Variants in EPHA5 observed in about 807,000 individuals in gnomAD.
The protein encoded by EPHA5 is ephrin type-A receptor 5.
Under a neutral mutation model 105.0 loss-of-function variants are expected in EPHA5, and 60 were observed. The ratio of observed to expected loss-of-function variants is 0.57; its 90% confidence interval spans 0.46 to 0.71. The LOEUF is 0.71. Ranked by LOEUF, EPHA5 falls within the 30% of genes least tolerant of loss-of-function variation. The pLI is 0.00. For missense variants in EPHA5, 1,218 were observed against 1,274.7 expected (o/e 0.96, Z 0.68); for synonymous variants, 513 against 449.1 (o/e 1.14, Z -1.80).
intron 3 of EPHA5, among the ~76,000 whole-genome samples, chr4:65,526,195 T>A (rs1735212409): frequency 6.6e-6 from 1 of 151,900 alleles, no homozygotes; most frequent in Admixed American, 6.6e-5. Flanking sequence ...CTATTGATAC[T>A]ACATGGATAT....
intron 16 of EPHA5, among the ~76,000 whole-genome samples, chr4:65,325,207 A>G (rs754157900): frequency 1.3e-5 from 2 of 151,390 alleles, no homozygotes; most frequent in African/African-American, 2.4e-5. Flanking sequence ...GTGTGTTTTA[A>G]TTCAAGATTT....
intron 5 of EPHA5, among the ~76,000 whole-genome samples, chr4:65,426,215 A>G (rs1724427700): frequency 6.6e-6 from 1 of 152,028 alleles, no homozygotes; most frequent in Non-Finnish European, 1.5e-5. Flanking sequence ...CCTTGATTTT[A>G]TTTTATCTTT....
intron 11 of EPHA5, among the ~76,000 whole-genome samples, chr4:65,357,612 T>C (rs1392396212): frequency 6.6e-6 from 1 of 151,436 alleles, no homozygotes; most frequent in African/African-American, 2.4e-5. Context: ...TAAGAGCTAC[T>C]TAAAGTAGTT....
intron 3 of EPHA5, among the ~76,000 whole-genome samples, chr4:65,543,859 C>T (rs1018786186): frequency 1.3e-5 from 2 of 152,048 alleles, no homozygotes; most frequent in African/African-American, 4.8e-5. Context: ...CAGCATGGTA[C>T]TGGTACCAAA....
intron 2 of EPHA5, among the ~76,000 whole-genome samples, chr4:65,622,451 T>C (rs1745786712): frequency 6.6e-6 from 1 of 152,154 alleles, no homozygotes. Context: ...ATTCAAGCGT[T>C]CTTGCCTTTA....
chr4:65,466,838 A>T (rs1308623679), intron 5 of EPHA5, among the ~76,000 whole-genome samples: 1 of 152,172 alleles, frequency 6.6e-6, no homozygotes, highest in Non-Finnish European at 1.5e-5. Flanking sequence ...TTAAGTTTTT[A>T]TAGGCCGAAA....
intron 3 of EPHA5, among the ~76,000 whole-genome samples, chr4:65,598,299 T>C (rs1471513698): frequency 1.3e-5 from 2 of 152,156 alleles, no homozygotes; most frequent in Non-Finnish European, 2.9e-5. Context: ...AAGAAATGAT[T>C]AAGTTAAAAG....
At position 65,573,836 on chromosome 4, in the gene EPHA5, G is replaced by A. The variant is rs1442502336; in HGVS notation, c.910+27805C>T. On this transcript the variant is annotated intron_variant, in intron 3 of 16. Transcript: ENST00000613740. ...CTGAAGATGTGCCTCGAAAGCTGTT[G>A]AGCCACGGCAAAAAAAAACCCTTCA... is the stretch of plus-strand genomic sequence containing the variant. 6.8e-6 allele frequency: 11 copies of A among 1,613,462 alleles called. No homozygotes were observed. The East Asian group carries it at 2.2e-4, about 33-fold the overall frequency.
rs529226816 is a variant in EPHA5, at chr4:65,449,373, A to G, written c.1403-28808T>C. On this transcript the variant is annotated intron_variant, in intron 5 of 16. Transcript: ENST00000613740. ...CCTTTTGCACTGACTTACATTTTTT[A>G]TAGTACACATTTGTACACTTTGGTG... Among the ~76,000 whole-genome samples the G allele has an allele frequency of 9.8e-5, 15 of 152,308 alleles. No homozygotes were observed. The South Asian group carries it at 1.0e-3, about 11-fold the overall frequency.
At chr4:65,324,249 T>G in intron 16 of EPHA5, 30 bp from the exon 17 acceptor site, 2 of 1,482,118 alleles carry the variant, frequency 1.3e-6, no homozygotes, top group Non-Finnish European at 1.9e-6. Flanking sequence ...ATTGGATGTA[T>G]TGATTCAATT....
At chr4:65,502,514 C>T (rs770553344) in intron 3 of EPHA5, among the ~76,000 whole-genome samples, 1 of 151,540 alleles carries the variant, frequency 6.6e-6, no homozygotes, top group Non-Finnish European at 1.5e-5. Context: ...TCTACATCAC[C>T]AATCGGAGAG....
chr4:65,497,180 G>A (rs1372685098), intron 3 of EPHA5, among the ~76,000 whole-genome samples: 1 of 152,032 alleles, frequency 6.6e-6, no homozygotes, highest in African/African-American at 2.4e-5. Context: ...ACGCATATTT[G>A]CTGAAGCTCA....
intron 5 of EPHA5, among the ~76,000 whole-genome samples, chr4:65,468,631 AT>A (rs1333341486): frequency 1.6e-5 from 2 of 127,796 alleles, no homozygotes; most frequent in Non-Finnish European, 3.2e-5. Context: ...TATGTAAAAT[AT>A]ATATAACATA....
chr4:65,636,776 C>A (rs1324651579), intron 2 of EPHA5, among the ~76,000 whole-genome samples: 1 of 151,858 alleles, frequency 6.6e-6, no homozygotes, highest in Non-Finnish European at 1.5e-5. Flanking sequence ...AAAGAAAGAA[C>A]AATACAAGAA....
At chr4:65,351,976 A>G (rs530995080) in intron 12 of EPHA5, among the ~76,000 whole-genome samples, 24 of 152,218 alleles carry the variant, frequency 1.6e-4, no homozygotes, top group Admixed American at 9.8e-4. Flanking sequence ...TAGACATATT[A>G]AGGTAAAGAA....
intron 3 of EPHA5, among the ~76,000 whole-genome samples, chr4:65,565,768 G>A (rs1385329044): frequency 6.6e-6 from 1 of 151,246 alleles, no homozygotes; most frequent in East Asian, 1.9e-4. Flanking sequence ...TATATATGTG[G>A]CAGTTAAAAT....
At chr4:65,450,895 T>A (rs1219107850) in intron 5 of EPHA5, among the ~76,000 whole-genome samples, 1 of 152,156 alleles carries the variant, frequency 6.6e-6, no homozygotes, top group Non-Finnish European at 1.5e-5. Flanking sequence ...CACTTTAACT[T>A]AAAATGGAAA....
chr4:65,655,699 A>G (rs1186318773), intron 1 of EPHA5, among the ~76,000 whole-genome samples: 2 of 152,134 alleles, frequency 1.3e-5, no homozygotes, highest in Non-Finnish European at 2.9e-5. Flanking sequence ...TCCAAGTTGC[A>G]GAAGTATAGA....
At chr4:65,370,173 C>T (rs1315833916) in intron 8 of EPHA5, among the ~76,000 whole-genome samples, 1 of 151,920 alleles carries the variant, frequency 6.6e-6, no homozygotes, top group Non-Finnish European at 1.5e-5. Context: ...ATTCCAGGGT[C>T]CTTAAGACAT....
Sources: allele counts gnomAD v4.1 joint callset (sites outside exome capture counted in the v4.1 genomes callset), GRCh38; gene constraint gnomAD v4.1.1; transcripts MANE v1.5; gene names NCBI Gene and HGNC (gene_info 2026-07-23, HGNC 2026-07-21).